Variants in SH3TC1 observed in about 807,000 individuals in gnomAD.
SH3TC1 encodes the protein SH3 domain and tetratricopeptide repeats 1.
A neutral mutation model predicts 117.3 loss-of-function variants in SH3TC1; 135 were observed. The ratio of observed to expected loss-of-function variants is 1.15; its 90% confidence interval spans 1.00 to 1.33. The LOEUF (loss-of-function observed/expected upper bound fraction) is 1.33, where lower values mean the gene tolerates loss of function less well. Ranked by LOEUF, SH3TC1 falls within the 40% of genes most tolerant of loss-of-function variation. The pLI, the probability that SH3TC1 is intolerant of heterozygous loss-of-function variation, is 0.00. For synonymous variants in SH3TC1, 898 were observed against 816.9 expected (o/e 1.10, Z -1.69); for missense variants, 2,092 against 1,794.3 (o/e 1.17, Z -3.00).
chr4:8,199,381 G>A lies in SH3TC1; in HGVS notation c.-53G>A, dbSNP rs1413294278. On this transcript the variant is annotated 5_prime_UTR_variant, in exon 1 of 18. Coordinates refer to ENST00000245105, the MANE Select transcript of SH3TC1 (RefSeq NM_018986.5). ...GTGCTACGGCCCTGTGGGCCTGGGA[G>A]CTGCCTCTGAGGAACACGCCGCAGG... 2 of 152,334 alleles carry A rather than the reference G, an allele frequency of 1.3e-5. No individual in the cohort carries two copies. Among genetic ancestry groups the A allele is most frequent in the African/African-American group, 2.4e-5 (1 of 41,466 alleles). 9.4% of individuals were successfully genotyped at this position (152,334 alleles called of 1,614,324 possible).
chr4:8,195,883 C>T (rs1056530893), upstream of SH3TC1, among the ~76,000 whole-genome samples: 3 of 152,176 alleles, frequency 2.0e-5, no homozygotes, highest in Admixed American at 6.5e-5. Context: ...TGGTCTTGGG[C>T]GCCAACTCCC....
chr4:8,215,501 G>A (rs918510690), intron 5 of SH3TC1, among the ~76,000 whole-genome samples: 1 of 152,302 alleles, frequency 6.6e-6, no homozygotes, highest in Admixed American at 6.5e-5. Context: ...ATTGTGGGGG[G>A]ATGTCCATCC....
In SH3TC1 at chr4:8,241,093, T is replaced by C. The variant is rs1722309988; in HGVS notation, c.*138T>C. On this transcript the variant is annotated 3_prime_UTR_variant, in exon 18 of 18. Transcript: ENST00000245105. ...TAGCAATAAATGGGTTTTGTTTTTT[T>C]TTTGCAATAACTTATTGAAGTCAGC... 1 of 1,282,600 alleles carries C rather than the reference T, an allele frequency of 7.8e-7. No individual in the cohort carries two copies. The highest frequency in any genetic ancestry group is 1.5e-5 in the African/African-American group (1 of 66,406). The allele number at this position is 1,282,600 out of a possible 1,614,324, so 79.5% of individuals were successfully genotyped here.
rs547087758 is a variant in SH3TC1 at position 8,190,113 on chromosome 4, G to A, written c.-57+7903G>A. On this transcript the variant is annotated intron_variant, in intron 1 of 16. Transcript: ENST00000508641. This position sits in a 1 kb window ranked among gnomAD's most constrained non-coding sequence, Gnocchi z 4.7. Reference sequence around the variant, plus strand: ...TTGCTGGGAGGCGGCAGCACTGGCCGCAGGTGCCTGCGATCACCAGTGTGC... The same window carrying A: ...TTGCTGGGAGGCGGCAGCACTGGCCACAGGTGCCTGCGATCACCAGTGTGC... Among the ~76,000 whole-genome samples, 3 of 152,342 alleles carry A rather than the reference G, an allele frequency of 2.0e-5. No individual in the cohort carries two copies. The highest frequency in any genetic ancestry group is 2.9e-5 in the Non-Finnish European group (2 of 68,012).
At chr4:8,226,280 C>T (rs1268619153) in intron 11 of SH3TC1, among the ~76,000 whole-genome samples, 3 of 152,224 alleles carry the variant, frequency 2.0e-5, no homozygotes, top group Non-Finnish European at 4.4e-5. Context: ...CGCCAGCAGG[C>T]TGCGTGGGCA....
chr4:8,209,504 A>G lies in SH3TC1; in HGVS notation c.173-244A>G. On this transcript the variant is annotated intron_variant, in intron 2 of 17. Transcript: ENST00000245105. The surrounding 1 kb of genome is among the most constrained non-coding windows in gnomAD (Gnocchi z 5.9). ...TGGAACTTGAGAGCGGCGGGATCAT[A>G]CGAGTCGTGTGGTCTTAAGCCTCTG... 1.3e-6 allele frequency: 1 copy of G among 752,726 alleles called. No individual in the cohort carries two copies. The highest frequency in any genetic ancestry group is 2.1e-6 in the Non-Finnish European group (1 of 465,330). The allele number at this position is 752,726 out of a possible 1,614,324, so 46.6% of individuals were successfully genotyped here.
chr4:8,183,321 G>A lies in SH3TC1; in HGVS notation c.-57+1111G>A, dbSNP rs1717130467. Among the ~76,000 whole-genome samples, 1 of 152,194 alleles carries A rather than the reference G, an allele frequency of 6.6e-6. No individual in the cohort carries two copies. The stretch of plus-strand genomic sequence containing the variant: ...CACGGCAGGTCACGCCTGGGGCTAG[G>A]ATGCCCTTCCAAAGCCCTGCCTCGG... On this transcript the variant is annotated intron_variant, in intron 1 of 16. Coordinates refer to the SH3TC1 transcript ENST00000508641. The surrounding 1 kb of genome is among the most constrained non-coding windows in gnomAD (Gnocchi z 5.4).
chr4:8,233,223 G>T, intron 13 of SH3TC1, 140 bp from the exon 14 acceptor site: 1 of 1,420,974 alleles, frequency 7.0e-7, no homozygotes, highest in African/African-American at 1.4e-5. Flanking sequence ...TCAGCAGCCC[G>T]GGAAGGGCAG....
At position 8,227,242 on chromosome 4, in the gene SH3TC1, T is replaced by A. The variant is rs1198938715; in HGVS notation, c.1548T>A (p.Arg516=). The A allele has an allele frequency of 2.5e-6, 4 of 1,590,960 alleles. No homozygotes were observed. Among genetic ancestry groups the A allele is most frequent in the Non-Finnish European group, 3.4e-6 (4 of 1,168,276 alleles). ...CCCCTGGGTACAAGGCCAGCTTCCG[T>A]GGCCTGTACGATGTGGCGCTGCCGT... The part of the protein sequence containing the change: ...LNAPGYKASF[R]GLYDVALPWL... The change falls in exon 12 of 18, where the codon CGT becomes CGA. Residue 516 remains arginine (R), a synonymous_variant. Coordinates refer to ENST00000245105, the MANE Select transcript of SH3TC1 (RefSeq NM_018986.5).
At chr4:8,235,642 G>A (rs1223518419) in intron 15 of SH3TC1, 87 bp downstream of exon 15, 11 of 1,439,848 alleles carry the variant, frequency 7.6e-6, no homozygotes, top group South Asian at 3.2e-5. Context: ...CAGAGCCCTC[G>A]CACCTGGAGG....
In SH3TC1 at chr4:8,183,298, C is replaced by T. The variant is rs540180912; in HGVS notation, c.-57+1088C>T. Among the ~76,000 whole-genome samples, 4 of 152,318 alleles carry T rather than the reference C, an allele frequency of 2.6e-5. No homozygotes were observed. The highest frequency in any genetic ancestry group is 2.1e-4 in the South Asian group (1 of 4,826). ...AGGTGGCAGGACTGGCTGAGGACCA[C>T]GGCAGGTCACGCCTGGGGCTAGGAT... On this transcript the variant is annotated intron_variant, in intron 1 of 16. Transcript: ENST00000508641. The surrounding 1 kb of genome is among the most constrained non-coding windows in gnomAD (Gnocchi z 5.4).
At position 8,190,040 on chromosome 4, in the gene SH3TC1, G is replaced by A. The variant is rs978449609; in HGVS notation, c.-57+7830G>A. 8.5e-5 allele frequency among the ~76,000 whole-genome samples: 13 copies of A among 152,218 alleles called. No homozygotes were observed. Among genetic ancestry groups the A allele is most frequent in the African/African-American group, 2.4e-4 (10 of 41,460 alleles). On this transcript the variant is annotated intron_variant, in intron 1 of 16. Transcript: ENST00000508641. This position sits in a 1 kb window ranked among gnomAD's most constrained non-coding sequence, Gnocchi z 4.7. ...GTTTTGGGGAGCGCGGCGTGGGTGC[G>A]TTGATGCGAGGCCAGGAAGTAGGGC...
At chr4:8,216,372 G>A in intron 6 of SH3TC1, 115 bp downstream of exon 6, 1 of 1,437,500 alleles carries the variant, frequency 7.0e-7, no homozygotes, top group Non-Finnish European at 9.3e-7. Flanking sequence ...GGGCTGCGGA[G>A]CCTCTGGAGG....
In SH3TC1 at chr4:8,190,652, T is replaced by C. The variant is rs1025345220; in HGVS notation, c.-57+8442T>C. Among the ~76,000 whole-genome samples, 4 of 152,040 alleles carry C rather than the reference T, an allele frequency of 2.6e-5. No homozygotes were observed. The highest frequency in any genetic ancestry group is 5.9e-5 in the Non-Finnish European group (4 of 67,982). ...TTGGCCTCTTCTGGCTCTGTGATCT[T>C]TTTTTGGAGACAGAGCCTGGCTCTG... On this transcript the variant is annotated intron_variant, in intron 1 of 16. Coordinates refer to the SH3TC1 transcript ENST00000508641. The surrounding 1 kb of genome is among the most constrained non-coding windows in gnomAD (Gnocchi z 4.7).
chr4:8,236,153 C>T (rs1260332747), intron 15 of SH3TC1, 125 bp from the exon 16 acceptor site: 3 of 1,230,446 alleles, frequency 2.4e-6, no homozygotes, highest in Non-Finnish European at 3.3e-6. Context: ...TCAGAGCACA[C>T]AGCTGTGTCG....
At chr4:8,223,003 T>G (rs757402970) in intron 10 of SH3TC1, 33 bp downstream of exon 10, 1 of 1,593,648 alleles carries the variant, frequency 6.3e-7, no homozygotes, top group Non-Finnish European at 8.6e-7. Context: ...GTGGGGCCAC[T>G]GCCCTCCCCT....
chr4:8,237,894 T>C (rs542053121), intron 17 of SH3TC1, among the ~76,000 whole-genome samples: 1 of 152,058 alleles, frequency 6.6e-6, no homozygotes, highest in East Asian at 1.9e-4. Context: ...GGGAGGCTGA[T>C]ACATGAGTGG....
chr4:8,194,343 A>T (rs1717498650), upstream of SH3TC1, among the ~76,000 whole-genome samples: 1 of 152,162 alleles, frequency 6.6e-6, no homozygotes, highest in Non-Finnish European at 1.5e-5. Context: ...TCACAGAAAA[A>T]GTCTGAAGGC....
chr4:8,237,125 G>A (rs1721890994), intron 16 of SH3TC1: 2 of 269,062 alleles, frequency 7.4e-6, no homozygotes, highest in Non-Finnish European at 1.4e-5. Context: ...CCCAGGAAGA[G>A]TTGGATGTCA....
Sources: gnomAD v4.1 joint callset for allele counts (sites outside exome capture counted in the v4.1 genomes callset) on GRCh38, gnomAD v4.1.1 for gene constraint, Gnocchi (gnomAD v3.1) non-coding constraint, MANE v1.5 for transcripts, NCBI Gene and HGNC (gene_info 2026-07-23, HGNC 2026-07-21) for gene names.